The following CUL2 variants were observed in gnomAD, a reference collection of about 807,000 sequenced individuals.
CUL2 encodes cullin-2.
CUL2 carries 22 observed loss-of-function variants against 110.2 expected under a neutral mutation model. That is an observed-to-expected ratio of 0.20 (90% CI 0.14 to 0.28). The LOEUF is 0.28. Among genes scored for constraint, CUL2 ranks in the 10% least tolerant of loss-of-function variants. The pLI, the probability that CUL2 is intolerant of heterozygous loss-of-function variation, is 1.00. For missense variants in CUL2, 631 were observed against 905.5 expected (o/e 0.70, Z 3.89); for synonymous variants, 279 against 293.2 (o/e 0.95, Z 0.49).
chr10:35,044,696 C>CG lies in CUL2; in HGVS notation c.604-21_604-20insC. On this transcript the variant is annotated intron_variant, in intron 7 of 20. Coordinates refer to ENST00000374749, the MANE Select transcript of CUL2 (RefSeq NM_003591.4). ...ATAAAACTGAATAAATCAATTACAT[C>CG]ATATTAGAAGAAATTAGAACAAGCA... The CG allele has an allele frequency of 6.3e-7, 1 of 1,586,178 alleles. No individual in the cohort carries two copies. Among genetic ancestry groups the CG allele is most frequent in the Non-Finnish European group, 8.6e-7 (1 of 1,159,004 alleles).
rs115035131 is a variant in CUL2, at chr10:35,111,748, C to T, written c.-50-10688G>A. Among the ~76,000 whole-genome samples the T allele has an allele frequency of 4.4e-3, 669 of 152,168 alleles. 10 individuals carry two copies. Among genetic ancestry groups the T allele is most frequent in the African/African-American group, 0.016 (654 of 41,528 alleles). ...ACTAAAAGTGAAAAAATTAGCTGGG[C>T]GTGGTGTGGCATGTGCCTGCAATCC... is the stretch of plus-strand genomic sequence containing the variant. On this transcript the variant is annotated intron_variant, in intron 1 of 5. Transcript: ENST00000685421.
intron 9 of CUL2, among the ~76,000 whole-genome samples, chr10:35,036,257 ATGT>A (rs1412425808): frequency 1.3e-5 from 2 of 152,142 alleles, no homozygotes; most frequent in Non-Finnish European, 2.9e-5. Context: ...AGGATCATCT[ATGT>A]TGTTGTGCAT....
chr10:35,113,894 T>A (rs540448449), intron 1 of CUL2, among the ~76,000 whole-genome samples: 40 of 150,540 alleles, frequency 2.7e-4, no homozygotes, highest in African/African-American at 7.8e-4. Flanking sequence ...TGTTATTTTT[T>A]AAATTATTAT....
At chr10:35,015,502 T>A (rs1167079633) in intron 18 of CUL2, among the ~76,000 whole-genome samples, 1 of 152,060 alleles carries the variant, frequency 6.6e-6, no homozygotes, top group Non-Finnish European at 1.5e-5. Flanking sequence ...TTTACAAAAA[T>A]AAAAACAAAA....
At chr10:35,042,769 G>A (rs749766109) in intron 8 of CUL2, among the ~76,000 whole-genome samples, 2 of 152,138 alleles carry the variant, frequency 1.3e-5, no homozygotes, top group African/African-American at 2.4e-5. Context: ...TTAAGTGAGT[G>A]TTTCCCTAAG....
At chr10:35,021,858 AGGTGGGGTGG>A (rs1210169323) in intron 17 of CUL2, among the ~76,000 whole-genome samples, 2 of 15,328 alleles carry the variant, frequency 1.3e-4, no homozygotes, top group Non-Finnish European at 2.7e-4. Context: ...AGGTGAGGTG[AGGTGGGGTGG>A]GGTGAGGTGG....
At chr10:35,060,273 TA>T (rs932447553) in intron 4 of CUL2, among the ~76,000 whole-genome samples, 3 of 144,180 alleles carry the variant, frequency 2.1e-5, no homozygotes, top group African/African-American at 5.2e-5. Context: ...AAATAAAAAA[TA>T]AAAAAAAGGA....
At chr10:35,120,010 G>A (rs991812128) in intron 1 of CUL2, 1 of 152,070 alleles carries the variant, frequency 6.6e-6, no homozygotes, top group African/African-American at 2.4e-5. Context: ...GCAAAAAAAC[G>A]TTTGGCCCCA....
chr10:35,033,298 A>C (rs746527430), intron 10 of CUL2, 25 bp from the exon 11 acceptor site: 317 of 1,504,110 alleles, frequency 2.1e-4, no homozygotes, highest in Non-Finnish European at 3.1e-5. Flanking sequence ...TAAGTACAAA[A>C]CCACATTTTA....
chr10:35,120,039 G>A (rs2087659903), intron 1 of CUL2: 1 of 152,176 alleles, frequency 6.6e-6, no homozygotes. Flanking sequence ...GCACAGCCTA[G>A]TATCCAGAAA....
rs959130350 is a variant in CUL2 at position 35,123,131 on chromosome 10, C to T, written c.-51+3474G>A. ...CCAGCCAGGGTGACAGAGTGAGATC[C>T]GATCTACAAACAAGCAAAACATAAC... On this transcript the variant is annotated intron_variant, in intron 1 of 5. Coordinates refer to the CUL2 transcript ENST00000685421. Among the ~76,000 whole-genome samples the T allele has an allele frequency of 2.0e-4, 29 of 148,488 alleles. 1 individual carries two copies. In the South Asian group the frequency reaches 3.5e-3, roughly 18 times the overall value.
intron 1 of CUL2, among the ~76,000 whole-genome samples, chr10:35,081,376 C>T (rs1166847140): frequency 1.3e-5 from 2 of 152,194 alleles, no homozygotes; most frequent in East Asian, 1.9e-4. Context: ...TGAAGTTTAA[C>T]GCCATTTTCA....
intron 17 of CUL2, among the ~76,000 whole-genome samples, 195 bp from the exon 18 acceptor site, chr10:35,016,589 T>C (rs1183028921): frequency 6.6e-6 from 1 of 152,170 alleles, no homozygotes; most frequent in African/African-American, 2.4e-5. Context: ...TTTGAGTATA[T>C]GGTATAAATC....
At chr10:35,027,756 G>A (rs964627513) in intron 16 of CUL2, among the ~76,000 whole-genome samples, 1 of 151,952 alleles carries the variant, frequency 6.6e-6, no homozygotes, top group African/African-American at 2.4e-5. Context: ...AAAAAATAAA[G>A]GACAAACTCC....
chr10:35,084,258 C>T (rs1253702780), intron 1 of CUL2, among the ~76,000 whole-genome samples: 6 of 152,136 alleles, frequency 3.9e-5, no homozygotes, highest in African/African-American at 1.2e-4. Flanking sequence ...GCTTGGGTGA[C>T]GAGTGAAACT....
chr10:35,077,061 A>G (rs895026497), intron 1 of CUL2, among the ~76,000 whole-genome samples: 2 of 152,212 alleles, frequency 1.3e-5, no homozygotes, highest in Non-Finnish European at 2.9e-5. Flanking sequence ...ACAAATGTTC[A>G]CTGTAGTATT....
At chr10:35,074,900 A>C (rs960424784) in intron 1 of CUL2, among the ~76,000 whole-genome samples, 1 of 152,180 alleles carries the variant, frequency 6.6e-6, no homozygotes, top group Non-Finnish European at 1.5e-5. Flanking sequence ...CATCGCTCTG[A>C]ACTGTAATTA....
chr10:35,021,415 A>AT (rs895533068), intron 17 of CUL2, among the ~76,000 whole-genome samples: 4 of 151,530 alleles, frequency 2.6e-5, no homozygotes, highest in South Asian at 2.1e-4. Flanking sequence ...ATAAACATAC[A>AT]TTTTTTTATA....
chr10:35,113,454 C>T (rs866276581), intron 1 of CUL2, among the ~76,000 whole-genome samples: 4 of 127,230 alleles, frequency 3.1e-5, no homozygotes, highest in East Asian at 5.2e-4. Context: ...GCCGATATCA[C>T]GCTACTGCAC....
Sources: gnomAD v4.1 joint callset for allele counts (sites outside exome capture counted in the v4.1 genomes callset) on GRCh38, gnomAD v4.1.1 for gene constraint, MANE v1.5 for transcripts, NCBI Gene and HGNC (gene_info 2026-07-23, HGNC 2026-07-21) for gene names.